The following PARN variants were observed in gnomAD, a reference collection of about 807,000 sequenced individuals.
The protein encoded by PARN is poly(A)-specific ribonuclease.
In PARN, 71 loss-of-function variants were observed where a neutral mutation model predicts 102.8. The observed-to-expected ratio is 0.69, with a 90% CI of 0.57 to 0.84. The LOEUF (loss-of-function observed/expected upper bound fraction) is 0.84, where lower values mean the gene tolerates loss of function less well. PARN is among the 40% of genes least tolerant of loss of function. The probability of loss-of-function intolerance (pLI) is 0.00; values close to 1 mark genes in which losing one functional copy is unlikely to be tolerated. For synonymous variants in PARN, 261 were observed against 252.9 expected, an observed-to-expected ratio of 1.03 and a Z score of -0.30; for missense variants, 782 against 760.9, an observed-to-expected ratio of 1.03 and a Z score of -0.33.
chr16:14,593,281 C>G lies in PARN; in HGVS notation c.918+20G>C. 7.3e-7 allele frequency: 1 copy of G among 1,362,384 alleles called. No individual in the cohort carries two copies. Among genetic ancestry groups the G allele is most frequent in the Non-Finnish European group, 1.0e-6 (1 of 953,204 alleles). The allele number at this position is 1,362,384 out of a possible 1,614,324, so 84.4% of individuals were successfully genotyped here. On this transcript the variant is annotated intron_variant, in intron 13 of 23. Transcript: ENST00000437198. ...AAAAGAATCCTGCTAATATTAAACA[C>G]AGACCAACAGGTCACTTACCGCAGG... is the stretch of plus-strand genomic sequence containing the variant.
At position 14,526,563 on chromosome 16, in the gene PARN, C is replaced by T. The variant is rs141203414; in HGVS notation, c.1480+25458G>A. On this transcript the variant is annotated intron_variant, in intron 21 of 23. Transcript: ENST00000437198. Reference sequence around the variant, plus strand: ...CAAGTTAATAAGCAGCTGAAATGAACAGGCTGGCAAAGTAAACCATACATC... The same window carrying T: ...CAAGTTAATAAGCAGCTGAAATGAATAGGCTGGCAAAGTAAACCATACATC... 1.7e-3 allele frequency among the ~76,000 whole-genome samples: 260 copies of T among 152,296 alleles called. 2 individuals are homozygous for T. Among genetic ancestry groups the T allele is most frequent in the African/African-American group, 6.0e-3 (250 of 41,562 alleles).
intron 21 of PARN, among the ~76,000 whole-genome samples, chr16:14,511,251 C>T (rs1965175178): frequency 6.6e-6 from 1 of 152,108 alleles, no homozygotes; most frequent in African/African-American, 2.4e-5. Context: ...AGTCCAAGGT[C>T]TCATTATCTT....
chr16:14,527,044 T>C (rs1966047852), intron 21 of PARN, among the ~76,000 whole-genome samples: 1 of 152,222 alleles, frequency 6.6e-6, no homozygotes, highest in African/African-American at 2.4e-5. Flanking sequence ...CTATAAAGTC[T>C]CCATTGTTAA....
intron 22 of PARN, among the ~76,000 whole-genome samples, chr16:14,463,838 T>TGGG (rs145797278): frequency 1.2e-4 from 11 of 95,082 alleles, no homozygotes; most frequent in Non-Finnish European, 2.0e-4. Context: ...CTTTTTTTTT[T>TGGG]GGGGGGGGGG....
chr16:14,554,457 G>GTT (rs1418762561), intron 19 of PARN, among the ~76,000 whole-genome samples: 1 of 150,750 alleles, frequency 6.6e-6, no homozygotes, highest in Admixed American at 6.6e-5. Context: ...TTGAGACAGG[G>GTT]TTTTGCCTTG....
At position 14,500,391 on chromosome 16, in the gene PARN, TTTTTG is replaced by T. The variant is rs546590023; in HGVS notation, c.1481-17569_1481-17565del. Among the ~76,000 whole-genome samples, 1,236 of 152,210 alleles carry T rather than the reference TTTTTG, an allele frequency of 8.1e-3. 6 individuals carry two copies. The highest frequency in any genetic ancestry group is 0.02 in the Middle Eastern group (6 of 294). On this transcript the variant is annotated intron_variant, in intron 21 of 23. Transcript: ENST00000437198. ...TTTCTGTAAACTTTATCTTTTACTT[TTTTTG>T]TTTTGTTTTGTTTTTTTAAGACAGG... is the stretch of plus-strand genomic sequence containing the variant.
chr16:14,505,628 A>G (rs1964855124), intron 21 of PARN, among the ~76,000 whole-genome samples: 1 of 152,182 alleles, frequency 6.6e-6, no homozygotes, highest in Non-Finnish European at 1.5e-5. Context: ...GGTTCATACA[A>G]TTATAAGGAT....
intron 21 of PARN, among the ~76,000 whole-genome samples, chr16:14,517,040 T>C (rs975693874): frequency 6.6e-6 from 1 of 152,168 alleles, no homozygotes; most frequent in Non-Finnish European, 1.5e-5. Context: ...ATATTGGTCA[T>C]AGTAGGGTAC....
chr16:14,549,193 A>AT (rs2151701289), intron 21 of PARN, among the ~76,000 whole-genome samples: 1 of 152,344 alleles, frequency 6.6e-6, no homozygotes, highest in African/African-American at 2.4e-5. Context: ...TGTCTTTTGC[A>AT]TAAGAAAAGA....
At chr16:14,554,904 T>C (rs956922383) in intron 19 of PARN, among the ~76,000 whole-genome samples, 3 of 152,328 alleles carry the variant, frequency 2.0e-5, no homozygotes, top group South Asian at 2.1e-4. Flanking sequence ...AGTCATAATC[T>C]TGCTTTCTAA....
intron 6 of PARN, among the ~76,000 whole-genome samples, chr16:14,614,406 T>C (rs1254333161): frequency 1.3e-5 from 2 of 152,200 alleles, no homozygotes; most frequent in Admixed American, 1.3e-4. Context: ...CTGGTTATCC[T>C]TGAGGATACT....
At chr16:14,617,963 TCCCAAAGTGCTG>T (rs1158859306) in intron 5 of PARN, among the ~76,000 whole-genome samples, 1 of 152,010 alleles carries the variant, frequency 6.6e-6, no homozygotes, top group African/African-American at 2.4e-5. Flanking sequence ...TGCCTCGGCC[TCCCAAAGTGCTG>T]GGATTACAGA....
intron 23 of PARN, among the ~76,000 whole-genome samples, chr16:14,444,983 A>AT (rs564058919): frequency 0.025 from 2,893 of 117,834 alleles, 47 homozygotes; most frequent in African/African-American, 0.037. Flanking sequence ...TAATATTTAA[A>AT]TTTTTTTTTT....
intron 18 of PARN, chr16:14,565,085 T>A (rs1968350656): frequency 6.6e-6 from 1 of 152,118 alleles, no homozygotes; most frequent in African/African-American, 2.4e-5. Flanking sequence ...TAAAAGCACT[T>A]CATAAGAACC....
intron 21 of PARN, among the ~76,000 whole-genome samples, chr16:14,483,929 G>A (rs1277239098): frequency 1.3e-5 from 2 of 152,102 alleles, no homozygotes; most frequent in East Asian, 1.9e-4. Context: ...CTGAGTTTTG[G>A]TGCATCCATC....
intron 18 of PARN, among the ~76,000 whole-genome samples, chr16:14,559,022 A>G (rs914971821): frequency 5.3e-5 from 8 of 152,028 alleles, no homozygotes; most frequent in African/African-American, 1.9e-4. Context: ...GAGGGAGAAA[A>G]ATATAAATAT....
intron 18 of PARN, among the ~76,000 whole-genome samples, chr16:14,577,616 G>A (rs1030729521): frequency 6.6e-6 from 1 of 152,060 alleles, no homozygotes; most frequent in Non-Finnish European, 1.5e-5. Flanking sequence ...TTACAGGCAT[G>A]AGCCACGGCA....
intron 18 of PARN, among the ~76,000 whole-genome samples, chr16:14,557,506 G>A (rs187030763): frequency 4.8e-4 from 69 of 142,290 alleles, no homozygotes; most frequent in African/African-American, 1.8e-3. Context: ...GCAGTGAACC[G>A]AGATAGCAAC....
At chr16:14,624,219 AC>A (rs1244635751) in intron 5 of PARN, among the ~76,000 whole-genome samples, 1 of 152,158 alleles carries the variant, frequency 6.6e-6, no homozygotes, top group Middle Eastern at 3.2e-3. Context: ...AGAGATTTTG[AC>A]CCAATTTTCA....
Sources: allele counts gnomAD v4.1 joint callset (sites outside exome capture counted in the v4.1 genomes callset), GRCh38; gene constraint gnomAD v4.1.1; transcripts MANE v1.5; gene names NCBI Gene and HGNC (gene_info 2026-07-23, HGNC 2026-07-21).